The following ELAVL4 variants were observed in gnomAD, a reference collection of about 807,000 sequenced individuals.
ELAVL4 encodes the protein ELAV like RNA binding protein 4.
A neutral mutation model predicts 35.6 loss-of-function variants in ELAVL4; 1 was observed. The ratio of observed to expected loss-of-function variants is 0.03; its 90% CI spans 0.01 to 0.13. The LOEUF (loss-of-function observed/expected upper bound fraction) is 0.13. Among genes scored for constraint, ELAVL4 ranks in the 10% least tolerant of loss-of-function variants. The pLI is 1.00. For missense variants in ELAVL4, 267 were observed against 464.9 expected (o/e 0.57, Z 3.91); for synonymous variants, 156 against 171.0 (o/e 0.91, Z 0.69).
chr1:50,169,587 TTC>T (rs1678611344), intron 2 of ELAVL4, among the ~76,000 whole-genome samples: 1 of 152,228 alleles, frequency 6.6e-6, no homozygotes, highest in African/African-American at 2.4e-5. Flanking sequence ...GTAGGTTTTG[TTC>T]TCTTTTATAT....
intron 1 of ELAVL4, among the ~76,000 whole-genome samples, chr1:50,079,299 G>A (rs1174076053): frequency 1.3e-5 from 2 of 152,154 alleles, no homozygotes; most frequent in Non-Finnish European, 2.9e-5. Context: ...ATGTAGACTA[G>A]CATGTAGGAG....
chr1:50,109,576 G>T, intron 1 of ELAVL4: 1 of 388,346 alleles, frequency 2.6e-6, no homozygotes, highest in Non-Finnish European at 4.7e-6. Context: ...TGTGGGGCTG[G>T]GGGTGGATGC....
At chr1:50,088,933 G>T (rs1323981607) in intron 1 of ELAVL4, among the ~76,000 whole-genome samples, 1 of 150,142 alleles carries the variant, frequency 6.7e-6, no homozygotes, top group African/African-American at 2.5e-5. Context: ...GGTTTTACCA[G>T]GCTTGGCAAT....
intron 1 of ELAVL4, among the ~76,000 whole-genome samples, chr1:50,133,599 A>AAAAAGAAAGAAAG (rs1553174454): frequency 9.0e-4 from 116 of 129,262 alleles, no homozygotes; most frequent in African/African-American, 3.3e-3. Flanking sequence ...AGAAAGAAAG[A>AAAAAGAAAGAAAG]AAAGAAAGAA....
chr1:50,048,159 G>A (rs1219913621), exon 1 of ELAVL4: 4 of 1,522,018 alleles, frequency 2.6e-6, no homozygotes, highest in East Asian at 2.6e-5. Flanking sequence ...TCGCCCGGCG[G>A]GGAAGATGCG....
At chr1:50,128,046 A>G (rs973485845) in intron 1 of ELAVL4, among the ~76,000 whole-genome samples, 9 of 152,164 alleles carry the variant, frequency 5.9e-5, no homozygotes, top group African/African-American at 9.7e-5. Context: ...TCTTAAAGGT[A>G]GAAATGTTCT....
intron 3 of ELAVL4, among the ~76,000 whole-genome samples, chr1:50,185,779 T>C (rs1428930362): frequency 2.0e-5 from 3 of 152,190 alleles, no homozygotes; most frequent in Non-Finnish European, 4.4e-5. Flanking sequence ...GAGTAAAGAA[T>C]GAGTCTGAAT....
chr1:50,100,686 G>T (rs144597799), upstream of ELAVL4, among the ~76,000 whole-genome samples: 2 of 152,292 alleles, frequency 1.3e-5, no homozygotes, highest in African/African-American at 4.8e-5. Flanking sequence ...GCTCCTTGAA[G>T]GTGGGGACTA....
rs1371228334 is a variant in ELAVL4, at chr1:50,201,352, G to T, written c.*174G>T. ...TATTAAAACATTGGATTATCCTGAGGTGTACCAGGAAAGGATTTTATAATG... is the reference window on the plus strand; with the variant it reads ...TATTAAAACATTGGATTATCCTGAGTTGTACCAGGAAAGGATTTTATAATG... On this transcript the variant is annotated 3_prime_UTR_variant, in exon 7 of 7. Coordinates refer to ENST00000371824, the MANE Select transcript of ELAVL4 (RefSeq NM_001144774.3). This position sits in a 1 kb window ranked among gnomAD's most constrained non-coding sequence, Gnocchi z 4.3. 4 of 600,378 alleles carry T rather than the reference G, an allele frequency of 6.7e-6. No individual in the cohort carries two copies. Among genetic ancestry groups the T allele is most frequent in the Non-Finnish European group, 9.7e-6 (4 of 412,178 alleles). The allele number at this position is 600,378 out of a possible 1,614,324, so 37.2% of individuals were successfully genotyped here.
At chr1:50,054,567 T>C (rs920423423) in intron 1 of ELAVL4, among the ~76,000 whole-genome samples, 1 of 152,162 alleles carries the variant, frequency 6.6e-6, no homozygotes, top group African/African-American at 2.4e-5. Context: ...TTGGTATTAT[T>C]CTTTTTTGTT....
intron 1 of ELAVL4, among the ~76,000 whole-genome samples, chr1:50,111,686 C>T (rs551621910): frequency 1.3e-5 from 2 of 152,256 alleles, no homozygotes; most frequent in South Asian, 4.1e-4. Context: ...GGCATTTGGT[C>T]CTGATTCTGG....
At chr1:50,187,129 G>A (rs1681954679) in intron 3 of ELAVL4, among the ~76,000 whole-genome samples, 1 of 152,140 alleles carries the variant, frequency 6.6e-6, no homozygotes, top group Non-Finnish European at 1.5e-5. Flanking sequence ...TGTCTGCTCT[G>A]GGGAGTTTGT....
intron 2 of ELAVL4, among the ~76,000 whole-genome samples, chr1:50,165,386 G>C (rs148532095): frequency 1.3e-5 from 2 of 151,314 alleles, no homozygotes; most frequent in Non-Finnish European, 1.5e-5. Context: ...CTGACCATCT[G>C]TATTAGTGAG....
chr1:50,081,012 G>A lies in ELAVL4; in HGVS notation c.18+32830G>A, dbSNP rs532119969. ...TATTTCATTTTGTTCTTGGCTTTAA[G>A]AAGAACCAGAATCTTTTGATTCAAG... On this transcript the variant is annotated intron_variant, in intron 1 of 6. Coordinates refer to the ELAVL4 transcript ENST00000448907. Among the ~76,000 whole-genome samples, 3 of 152,248 alleles carry A rather than the reference G, an allele frequency of 2.0e-5. No individual in the cohort carries two copies. In the South Asian group the frequency reaches 6.2e-4, roughly 32 times the overall value.
At chr1:50,080,203 A>G (rs1664945262) in intron 1 of ELAVL4, among the ~76,000 whole-genome samples, 1 of 152,226 alleles carries the variant, frequency 6.6e-6, no homozygotes, top group South Asian at 2.1e-4. Context: ...CTAAATGTAA[A>G]TCAGTACTGG....
intron 1 of ELAVL4, among the ~76,000 whole-genome samples, chr1:50,113,288 T>C (rs1667389766): frequency 6.6e-6 from 1 of 152,020 alleles, no homozygotes. Flanking sequence ...TCTTTTCCTA[T>C]ATGTAGGCCA....
intron 2 of ELAVL4, among the ~76,000 whole-genome samples, chr1:50,170,487 A>G (rs1056212567): frequency 3.9e-5 from 6 of 152,230 alleles, no homozygotes; most frequent in Middle Eastern, 3.2e-3. Context: ...AGAGTCACAC[A>G]GCAGTAAATT....
At chr1:50,159,785 A>C (rs1676453593) in intron 2 of ELAVL4, among the ~76,000 whole-genome samples, 1 of 152,110 alleles carries the variant, frequency 6.6e-6, no homozygotes, top group Admixed American at 6.5e-5. Context: ...CTTGGAGGAT[A>C]AATTTGAGGG....
At chr1:50,198,389 T>C (rs913551566) in intron 6 of ELAVL4, among the ~76,000 whole-genome samples, 1 of 152,172 alleles carries the variant, frequency 6.6e-6, no homozygotes, top group African/African-American at 2.4e-5. Flanking sequence ...TTCCCCTTCC[T>C]ACAGTCAAGG....
Sources: gnomAD v4.1 joint callset for allele counts (sites outside exome capture counted in the v4.1 genomes callset) on GRCh38, gnomAD v4.1.1 for gene constraint, Gnocchi (gnomAD v3.1) non-coding constraint, MANE v1.5 for transcripts, NCBI Gene and HGNC (gene_info 2026-07-23, HGNC 2026-07-21) for gene names.